PIK3C2G: variants seen among roughly 807,000 people sequenced by gnomAD.
The protein encoded by PIK3C2G is phosphatidylinositol-4-phosphate 3-kinase catalytic subunit type 2 gamma.
Under a neutral mutation model 181.1 loss-of-function variants are expected in PIK3C2G, and 168 were observed. The observed-to-expected ratio is 0.93, with a 90% confidence interval of 0.82 to 1.05. PIK3C2G has a LOEUF of 1.05. Ranked by LOEUF, PIK3C2G falls within the 50% of genes least tolerant of loss-of-function variation. The pLI, the probability that PIK3C2G is intolerant of heterozygous loss-of-function variation, is 0.00. For synonymous variants in PIK3C2G, 573 were observed against 592.2 expected, an observed-to-expected ratio of 0.97 and a Z score of 0.47; for missense variants, 1,869 against 1,732.8, an observed-to-expected ratio of 1.08 and a Z score of -1.40.
At chr12:18,594,374 T>A (rs1250253343) in intron 29 of PIK3C2G, 120 bp from the exon 30 acceptor site, 2 of 578,434 alleles carry the variant, frequency 3.5e-6, no homozygotes, top group Non-Finnish European at 6.0e-6. Flanking sequence ...TTCTCTCTAT[T>A]TGTAGAATCT....
chr12:18,296,333 C>A (rs1227549466), intron 5 of PIK3C2G, among the ~76,000 whole-genome samples: 1 of 152,060 alleles, frequency 6.6e-6, no homozygotes, highest in African/African-American at 2.4e-5. Context: ...AAAAAGAATT[C>A]TGATTTCAGT....
intron 11 of PIK3C2G, among the ~76,000 whole-genome samples, chr12:18,351,634 G>A (rs572279212): frequency 1.4e-4 from 21 of 152,296 alleles, no homozygotes; most frequent in Non-Finnish European, 2.4e-4. Flanking sequence ...AGGGATTGGT[G>A]CCAGGACCCC....
chr12:18,711,905 T>G, the PIK3C2G span, among the ~76,000 whole-genome samples: 1 of 152,166 alleles, frequency 6.6e-6, no homozygotes, highest in Non-Finnish European at 1.5e-5. Context: ...GTTTTTATAT[T>G]AAGATAGAAA....
the PIK3C2G span, among the ~76,000 whole-genome samples, chr12:18,672,993 G>T: frequency 6.6e-6 from 1 of 152,114 alleles, no homozygotes; most frequent in African/African-American, 2.4e-5. Context: ...GCACAGATTG[G>T]TACATGACAC....
At chr12:18,468,633 G>T (rs1386636836) in intron 18 of PIK3C2G, among the ~76,000 whole-genome samples, 1 of 151,918 alleles carries the variant, frequency 6.6e-6, no homozygotes, top group African/African-American at 2.4e-5. Context: ...TCCCTTTATT[G>T]ACTCTAAATA....
intron 31 of PIK3C2G, among the ~76,000 whole-genome samples, chr12:18,627,938 G>T (rs191827362): frequency 2.0e-5 from 3 of 152,268 alleles, no homozygotes; most frequent in Admixed American, 2.0e-4. Context: ...TCATTGAAAA[G>T]ATAATAACCT....
chr12:18,549,550 A>G (rs563129484), intron 26 of PIK3C2G, among the ~76,000 whole-genome samples: 1 of 152,144 alleles, frequency 6.6e-6, no homozygotes, highest in African/African-American at 2.4e-5. Context: ...ATAATTTACC[A>G]GAGAACGTTC....
At chr12:18,615,375 GTA>G (rs148196099) in intron 31 of PIK3C2G, among the ~76,000 whole-genome samples, 3 of 89,576 alleles carry the variant, frequency 3.3e-5, no homozygotes, top group Non-Finnish European at 5.5e-5. Context: ...GTGTGTATGT[GTA>G]TATATATATA....
At chr12:18,393,078 G>T (rs2138065581) in intron 15 of PIK3C2G, among the ~76,000 whole-genome samples, 1 of 152,164 alleles carries the variant, frequency 6.6e-6, no homozygotes, top group African/African-American at 2.4e-5. Context: ...ATATGAAAAA[G>T]ATGCCTTGAA....
intron 16 of PIK3C2G, among the ~76,000 whole-genome samples, chr12:18,407,481 C>T (rs1376600710): frequency 2.0e-5 from 3 of 152,108 alleles, no homozygotes; most frequent in Middle Eastern, 3.4e-3. Flanking sequence ...TTATTCAATA[C>T]GTGTATATTG....
At chr12:18,411,792 T>G (rs930209726) in intron 16 of PIK3C2G, among the ~76,000 whole-genome samples, 5 of 152,194 alleles carry the variant, frequency 3.3e-5, no homozygotes, top group African/African-American at 9.6e-5. Context: ...CAGATTTCTT[T>G]GCTTTTCAGT....
chr12:18,697,380 C>A, the PIK3C2G span, among the ~76,000 whole-genome samples: 1 of 152,062 alleles, frequency 6.6e-6, no homozygotes, highest in Non-Finnish European at 1.5e-5. Flanking sequence ...GCATAGGTGT[C>A]CAAGTATCAT....
chr12:18,273,004 C>A (rs377277353), intron 1 of PIK3C2G, among the ~76,000 whole-genome samples: 22 of 144,542 alleles, frequency 1.5e-4, no homozygotes, highest in Admixed American at 1.4e-4. Context: ...ACACACACAC[C>A]CCCATCCATA....
At chr12:18,394,692 A>T (rs1257696250) in intron 15 of PIK3C2G, among the ~76,000 whole-genome samples, 2 of 152,024 alleles carry the variant, frequency 1.3e-5, no homozygotes, top group Non-Finnish European at 2.9e-5. Flanking sequence ...TAGATTGTGA[A>T]ATGCAAGAAA....
rs1592322813 is a variant in PIK3C2G at position 18,462,946 on chromosome 12, C to G, written c.2505-25503C>G. Among the ~76,000 whole-genome samples, 8 of 152,122 alleles carry G rather than the reference C, an allele frequency of 5.3e-5. No homozygotes were observed. The South Asian group carries it at 1.7e-3, about 32-fold the overall frequency. On this transcript the variant is annotated intron_variant, in intron 18 of 32. Coordinates refer to ENST00000538779, the MANE Select transcript of PIK3C2G (RefSeq NM_001288772.2). The stretch of plus-strand genomic sequence containing the variant: ...ACAAACATTTTAAAAAAAATAAGTG[C>G]TATAATTTATAAAATGCTCTTTTCA...
intron 1 of PIK3C2G, among the ~76,000 whole-genome samples, chr12:18,262,241 A>G (rs529462513): frequency 1.9e-4 from 29 of 152,254 alleles, no homozygotes; most frequent in African/African-American, 7.0e-4. Flanking sequence ...TCTGATGAAC[A>G]ATTCTATTTC....
intron 3 of PIK3C2G, among the ~76,000 whole-genome samples, chr12:18,287,563 CTA>C (rs1949500702): frequency 2.0e-5 from 3 of 152,142 alleles, no homozygotes; most frequent in South Asian, 2.1e-4. Context: ...TTTTGAAAAA[CTA>C]ATGCATTCAG....
At chr12:18,683,520 CA>C in the PIK3C2G span, 1 of 1,512,904 alleles carries the variant, frequency 6.6e-7, no homozygotes, top group Non-Finnish European at 8.9e-7. Flanking sequence ...CCTAACTGCC[CA>C]AAACTGAATA....
chr12:18,315,874 TC>T (rs1177703490), intron 6 of PIK3C2G, among the ~76,000 whole-genome samples: 3 of 150,832 alleles, frequency 2.0e-5, no homozygotes, highest in Non-Finnish European at 4.4e-5. Context: ...GGTCAAAAAT[TC>T]TAGCTTCATG....
Sources: allele counts gnomAD v4.1 joint callset (sites outside exome capture counted in the v4.1 genomes callset), GRCh38; gene constraint gnomAD v4.1.1; transcripts MANE v1.5; gene names NCBI Gene and HGNC (gene_info 2026-07-23, HGNC 2026-07-21).